Variants in EEF2KMT observed in about 807,000 individuals in gnomAD.
EEF2KMT encodes the protein protein-lysine N-methyltransferase EEF2KMT.
Under a neutral mutation model 35.1 loss-of-function variants are expected in EEF2KMT, and 30 were observed. The ratio of observed to expected loss-of-function variants is 0.85; its 90% CI spans 0.64 to 1.16. EEF2KMT has a LOEUF of 1.16. Ranked by LOEUF, EEF2KMT falls within the 50% of genes most tolerant of loss-of-function variation. The pLI is 0.00. For synonymous variants in EEF2KMT, 190 were observed against 187.7 expected (o/e 1.01, Z -0.10); for missense variants, 499 against 438.2 (o/e 1.14, Z -1.24).
intron 6 of EEF2KMT, chr16:5,089,465 G>GA (rs900786643): frequency 7.6e-5 from 54 of 713,580 alleles, no homozygotes; most frequent in Non-Finnish European, 9.9e-5. Flanking sequence ...CGAAGCAAAA[G>GA]AAAAAAATCT....
intron 7 of EEF2KMT, among the ~76,000 whole-genome samples, chr16:5,088,741 A>G (rs1039636726): frequency 6.6e-6 from 1 of 152,040 alleles, no homozygotes; most frequent in African/African-American, 2.4e-5. Flanking sequence ...CCGCCTGTAC[A>G]TCCTGTGCTC....
chr16:5,093,378 C>T (rs1264821843), intron 3 of EEF2KMT, 106 bp downstream of exon 3: 1 of 1,560,032 alleles, frequency 6.4e-7, no homozygotes, highest in East Asian at 2.3e-5. Context: ...AGGCCCCTGC[C>T]ATGCTGGGGT....
rs1231112105 is a variant in EEF2KMT, at chr16:5,084,555, GAA to G, written c.*1075_*1076del. ...AGTGTGGGAAAGTGGGACATGCGGG[GAA>G]GTTTCCAGAAACTGTGATGTCAAGT... On this transcript the variant is annotated 3_prime_UTR_variant, in exon 8 of 8. Coordinates refer to ENST00000427587, the MANE Select transcript of EEF2KMT (RefSeq NM_201400.4). 5.6e-5 allele frequency: 49 copies of G among 879,378 alleles called. No homozygotes were observed. Among genetic ancestry groups the G allele is most frequent in the Non-Finnish European group, 8.1e-5 (46 of 566,744 alleles). 54.5% of individuals were successfully genotyped at this position (879,378 alleles called of 1,614,324 possible).
intron 2 of EEF2KMT, among the ~76,000 whole-genome samples, chr16:5,095,193 A>G (rs993388505): frequency 6.6e-6 from 1 of 152,226 alleles, no homozygotes; most frequent in Admixed American, 6.5e-5. Context: ...TGGATGGTTT[A>G]AAAAACATTC....
Position 5,085,087 on chromosome 16 carries a change from G to A in EEF2KMT, c.*545C>T, listed in dbSNP as rs1231882521. The A allele has an allele frequency of 1.0e-5, 9 of 886,990 alleles. No homozygotes were observed. The highest frequency in any genetic ancestry group is 7.9e-5 in the East Asian group (3 of 37,862). The allele number at this position is 886,990 out of a possible 1,614,324, so 54.9% of individuals were successfully genotyped here. On this transcript the variant is annotated 3_prime_UTR_variant, in exon 8 of 8. Transcript: ENST00000427587. The stretch of plus-strand genomic sequence containing the variant: ...ATTTCTTCTCTGGAGGCTTGGAAAC[G>A]CTTCCTCTCTTCTTCTGTTCTTCAC...
chr16:5,091,775 G>T lies in EEF2KMT; in HGVS notation c.342+19C>A. 5 of 1,611,400 alleles carry T rather than the reference G, an allele frequency of 3.1e-6. 1 individual carries two copies. The highest frequency in any genetic ancestry group is 4.2e-6 in the Non-Finnish European group (5 of 1,179,522). On this transcript the variant is annotated intron_variant, in intron 4 of 7. Transcript: ENST00000427587. Reference sequence around the variant, plus strand: ...AGGGTATCTGGGCTGTGAGGGGGAGGAGGGTGCCCTTCTCATACCAGCAAA... The same window carrying T: ...AGGGTATCTGGGCTGTGAGGGGGAGTAGGGTGCCCTTCTCATACCAGCAAA...
At position 5,097,790 on chromosome 16, in the gene EEF2KMT, T is replaced by A. The variant is rs1382032346; in HGVS notation, c.-51A>T. On this transcript the variant is annotated 5_prime_UTR_variant, in exon 1 of 8. Transcript: ENST00000427587. ...CGGCAGACCGGGCGGAAGCCCGGCC[T>A]GGACTGAAGAGGGGGCGGGCCCAGG... 2.0e-6 allele frequency: 3 copies of A among 1,522,702 alleles called. No homozygotes were observed. Among genetic ancestry groups the A allele is most frequent in the East Asian group, 2.5e-5 (1 of 39,996 alleles). The allele number at this position is 1,522,702 out of a possible 1,614,324, so 94.3% of individuals were successfully genotyped here.
Position 5,084,709 on chromosome 16 carries a change from G to C in EEF2KMT, c.*923C>G, listed in dbSNP as rs942487365. 12 of 1,591,588 alleles carry C rather than the reference G, an allele frequency of 7.5e-6. No homozygotes were observed. The Admixed American group carries it at 1.5e-4, about 20-fold the overall frequency. On this transcript the variant is annotated 3_prime_UTR_variant, in exon 8 of 8. Coordinates refer to ENST00000427587, the MANE Select transcript of EEF2KMT (RefSeq NM_201400.4). ...AGGTGGTGACCTGGGATGGGGTGGG[G>C]ACAGGCAATGAGGTAAGCTCTGCTC...
Position 5,084,955 on chromosome 16 carries a change from A to G in EEF2KMT, c.*677T>C, listed in dbSNP as rs1957103059. The G allele has an allele frequency of 2.1e-5, 34 of 1,595,394 alleles. No individual in the cohort carries two copies. The highest frequency in any genetic ancestry group is 3.3e-5 in the Admixed American group (2 of 59,996). ...AGCTTCTTCTTGGAGTCTCAGGGCA[A>G]ACCCTTTCGAGCAGCACCTCCCAGT... On this transcript the variant is annotated 3_prime_UTR_variant, in exon 8 of 8. Coordinates refer to ENST00000427587, the MANE Select transcript of EEF2KMT (RefSeq NM_201400.4).
At chr16:5,087,898 A>T (rs551249683) in intron 7 of EEF2KMT, among the ~76,000 whole-genome samples, 1 of 147,472 alleles carries the variant, frequency 6.8e-6, no homozygotes, top group African/African-American at 2.5e-5. Context: ...GTTTTTTTTC[A>T]CGTAAGTATC....
At chr16:5,092,439 C>T (rs536948105) in intron 3 of EEF2KMT, among the ~76,000 whole-genome samples, 1 of 152,328 alleles carries the variant, frequency 6.6e-6, no homozygotes, top group South Asian at 2.1e-4. Context: ...AGGGCAGCAG[C>T]AGAGTACACT....
intron 3 of EEF2KMT, 179 bp from the exon 4 acceptor site, chr16:5,092,074 T>C (rs1335018091): frequency 8.3e-7 from 1 of 1,205,742 alleles, no homozygotes; most frequent in African/African-American, 1.5e-5. Flanking sequence ...TCCCAGCTAC[T>C]CTAGAGGCTG....
chr16:5,091,086 T>C (rs1490055663), intron 4 of EEF2KMT, among the ~76,000 whole-genome samples: 1 of 152,022 alleles, frequency 6.6e-6, no homozygotes, highest in African/African-American at 2.4e-5. Flanking sequence ...GGCTACTTTT[T>C]GTACTTTTTT....
Position 5,084,674 on chromosome 16 carries a change from G to C in EEF2KMT, c.*958C>G. 3 of 1,592,822 alleles carry C rather than the reference G, an allele frequency of 1.9e-6. No individual in the cohort carries two copies. The highest frequency in any genetic ancestry group is 2.5e-6 in the Non-Finnish European group (3 of 1,177,500). On this transcript the variant is annotated 3_prime_UTR_variant, in exon 8 of 8. Transcript: ENST00000427587. ...GGGGTTGTTGTTGGGTCGGGGACCT[G>C]GGGTCAGCCAGGTGGTGACCTGGGA... is the stretch of plus-strand genomic sequence containing the variant.
chr16:5,089,288 A>G (rs1452325866), intron 6 of EEF2KMT, 32 bp from the exon 7 acceptor site: 1 of 1,599,346 alleles, frequency 6.3e-7, no homozygotes. Context: ...ACTGAAAGGG[A>G]CCAGTGGACA....
rs867254041 is a variant in EEF2KMT, at chr16:5,089,465, G to T, written c.743-209C>A. Reference sequence around the variant, plus strand: ...AAAGCTGCAAAAGACCGAAGCAAAAGAAAAAAATCTCCAGACTCACTGGTG... The same window carrying T: ...AAAGCTGCAAAAGACCGAAGCAAAATAAAAAAATCTCCAGACTCACTGGTG... On this transcript the variant is annotated intron_variant, in intron 6 of 7. Coordinates refer to ENST00000427587, the MANE Select transcript of EEF2KMT (RefSeq NM_201400.4). 62 of 713,580 alleles carry T rather than the reference G, an allele frequency of 8.7e-5. 1 individual carries two copies. Among genetic ancestry groups the T allele is most frequent in the Middle Eastern group, 7.9e-4 (2 of 2,544 alleles). 44.2% of individuals were successfully genotyped at this position (713,580 alleles called of 1,614,324 possible).
intron 7 of EEF2KMT, among the ~76,000 whole-genome samples, chr16:5,088,123 G>A (rs951810188): frequency 1.3e-5 from 2 of 151,882 alleles, no homozygotes; most frequent in African/African-American, 4.8e-5. Flanking sequence ...TGTATGTTTT[G>A]TGAAGATGGG....
rs774688938 is a variant in EEF2KMT, at chr16:5,085,703, G to A, written c.922C>T (p.Pro308Ser). The part of the protein sequence containing the change: ...GRAGIRWEVE[P>S]RHEQKLFPYE... Reference sequence around the variant, plus strand: ...GGAAACAGTTTCTGCTCATGACGAGGTTCCACTTCCCATCTGATCCCGGCC... The same window carrying A: ...GGAAACAGTTTCTGCTCATGACGAGATTCCACTTCCCATCTGATCCCGGCC... The change falls in exon 8 of 8, where the codon CCT (proline) becomes TCT (serine). Residue 308 changes from proline (P) to serine (S), a missense_variant. Physicochemically the swap from Pro to Ser is moderately conservative, Grantham distance 74. Transcript: ENST00000427587. 5 of 1,611,860 alleles carry A rather than the reference G, an allele frequency of 3.1e-6. No homozygotes were observed. In the South Asian group the frequency reaches 4.4e-5, roughly 14 times the overall value.
chr16:5,095,347 G>A, intron 2 of EEF2KMT, 105 bp downstream of exon 2: 1 of 1,567,070 alleles, frequency 6.4e-7, no homozygotes, highest in South Asian at 1.1e-5. Context: ...TTTTTGAACA[G>A]GGGTGTTTTT....
Sources: allele counts gnomAD v4.1 joint callset (sites outside exome capture counted in the v4.1 genomes callset), GRCh38; gene constraint gnomAD v4.1.1; transcripts MANE v1.5; gene names NCBI Gene and HGNC (gene_info 2026-07-23, HGNC 2026-07-21).